The following BMAL1 variants were observed in gnomAD, a reference collection of about 807,000 sequenced individuals.
BMAL1 encodes the protein basic helix-loop-helix ARNT-like protein 1.
the BMAL1 span, chr11:13,353,586 G>A: frequency 1.3e-5 from 2 of 152,248 alleles, no homozygotes; most frequent in Non-Finnish European, 2.9e-5. Context: ...GGGAGGCTGA[G>A]ACGGGCAGAT....
the BMAL1 span, among the ~76,000 whole-genome samples, chr11:13,324,446 TC>T: frequency 6.6e-6 from 1 of 152,090 alleles, no homozygotes; most frequent in Non-Finnish European, 1.5e-5. Context: ...GAGCTGCTCT[TC>T]CCCAGACACC....
chr11:13,366,631 T>C, the BMAL1 span: 3 of 1,557,116 alleles, frequency 1.9e-6, no homozygotes, highest in East Asian at 2.3e-5. Context: ...CTGCATGCAA[T>C]TGACTTGTCA....
chr11:13,382,083 T>A, the BMAL1 span, among the ~76,000 whole-genome samples: 1 of 152,128 alleles, frequency 6.6e-6, no homozygotes, highest in South Asian at 2.1e-4. Context: ...CGGAGGTTTG[T>A]TCAGGTTACC....
chr11:13,356,174 G>T, the BMAL1 span: 4 of 431,466 alleles, frequency 9.3e-6, no homozygotes, highest in Non-Finnish European at 1.9e-5. Flanking sequence ...AAAATCTAGG[G>T]GTTCCCACCT....
the BMAL1 span, among the ~76,000 whole-genome samples, chr11:13,278,888 G>A: frequency 5.9e-5 from 9 of 152,354 alleles, no homozygotes; most frequent in African/African-American, 2.2e-4. Context: ...AGAAGACGAG[G>A]AAGGTAGAGG....
chr11:13,354,274 C>G, the BMAL1 span: 4 of 1,433,650 alleles, frequency 2.8e-6, no homozygotes, highest in African/African-American at 1.4e-5. Context: ...AATAAACACA[C>G]CTTTGTGCCT....
the BMAL1 span, among the ~76,000 whole-genome samples, chr11:13,302,707 C>T: frequency 2.8e-4 from 42 of 152,146 alleles, no homozygotes; most frequent in South Asian, 2.1e-4. Flanking sequence ...AGTGATCTCT[C>T]GTCATCTGGG....
At chr11:13,284,278 A>T in the BMAL1 span, among the ~76,000 whole-genome samples, 12 of 95,908 alleles carry the variant, frequency 1.3e-4, 1 homozygote, top group South Asian at 1.8e-3. Flanking sequence ...TTTTTTTTTT[A>T]ATGCCAGTTG....
chr11:13,298,029 C>T, the BMAL1 span, among the ~76,000 whole-genome samples: 1 of 152,174 alleles, frequency 6.6e-6, no homozygotes, highest in Non-Finnish European at 1.5e-5. Flanking sequence ...AGAGGAAAAG[C>T]CAAATCTTAG....
At chr11:13,361,886 GTC>G in the BMAL1 span, among the ~76,000 whole-genome samples, 1 of 152,176 alleles carries the variant, frequency 6.6e-6, no homozygotes, top group Non-Finnish European at 1.5e-5. Context: ...TGAAGCTCTA[GTC>G]TGGCTGTCCT....
At chr11:13,328,584 A>G in the BMAL1 span, among the ~76,000 whole-genome samples, 85,743 of 151,938 alleles carry the variant, frequency 0.56, 24,456 homozygotes, top group Middle Eastern at 0.62. Context: ...TCCTTTCATA[A>G]GGAAGGCCCC....
At chr11:13,342,247 T>C in the BMAL1 span, among the ~76,000 whole-genome samples, 1 of 152,054 alleles carries the variant, frequency 6.6e-6, no homozygotes, top group Non-Finnish European at 1.5e-5. Context: ...GCCAGGCCAG[T>C]GAGCACGCAC....
At chr11:13,385,777 GTTC>G in the BMAL1 span, 2 of 1,611,578 alleles carry the variant, frequency 1.2e-6, no homozygotes, top group Non-Finnish European at 1.7e-6. Flanking sequence ...TATTCTGATA[GTTC>G]TTCTATTCTT....
the BMAL1 span, among the ~76,000 whole-genome samples, chr11:13,305,047 G>A: frequency 1.3e-5 from 2 of 152,142 alleles, no homozygotes; most frequent in Admixed American, 1.3e-4. Context: ...GAGTGGGAGC[G>A]GAAACTGTTT....
At chr11:13,355,156 T>C in the BMAL1 span, 1 of 1,415,522 alleles carries the variant, frequency 7.1e-7, no homozygotes, top group East Asian at 2.4e-5. Flanking sequence ...TTAAGAGGTT[T>C]TCTTTTGTTT....
the BMAL1 span, among the ~76,000 whole-genome samples, chr11:13,295,429 C>T: frequency 2.3e-3 from 346 of 152,172 alleles, 3 homozygotes; most frequent in African/African-American, 7.8e-3. Flanking sequence ...GCCTGTTTGT[C>T]GAGAAGTGGG....
the BMAL1 span, among the ~76,000 whole-genome samples, chr11:13,384,973 TAAAG>T: frequency 6.6e-6 from 1 of 152,130 alleles, no homozygotes; most frequent in African/African-American, 2.4e-5. Flanking sequence ...GCTGTGGAAA[TAAAG>T]TAAGTTATAA....
chr11:13,328,345 G>GC, the BMAL1 span, among the ~76,000 whole-genome samples: 10 of 151,880 alleles, frequency 6.6e-5, no homozygotes, highest in Non-Finnish European at 1.2e-4. Flanking sequence ...AAAAATGCTT[G>GC]TTTTTTTTCC....
At chr11:13,277,614 G>T in the BMAL1 span, 6 of 152,300 alleles carry the variant, frequency 3.9e-5, no homozygotes, top group Non-Finnish European at 5.9e-5. Context: ...ATTGGCTGGG[G>T]GCGGCCGCCG....
Sources: gnomAD v4.1 joint callset for allele counts (sites outside exome capture counted in the v4.1 genomes callset) on GRCh38, gnomAD v4.1.1 for gene constraint, MANE v1.5 for transcripts, NCBI Gene and HGNC (gene_info 2026-07-23, HGNC 2026-07-21) for gene names.